Variants in COL14A1 observed in about 807,000 individuals in gnomAD.
The protein encoded by COL14A1 is collagen type XIV alpha 1 chain.
Under a neutral mutation model 230.3 loss-of-function variants are expected in COL14A1, and 136 were observed. The ratio of observed to expected loss-of-function variants is 0.59; its 90% CI spans 0.51 to 0.68. COL14A1 has a LOEUF of 0.68. Among genes scored for constraint, COL14A1 ranks in the 30% least tolerant of loss-of-function variants. The probability of loss-of-function intolerance (pLI) is 0.00; values close to 1 mark genes in which losing one functional copy is unlikely to be tolerated. For synonymous variants in COL14A1, 792 were observed against 784.1 expected, an observed-to-expected ratio of 1.01 and a Z score of -0.17; for missense variants, 1,976 against 2,215.8, an observed-to-expected ratio of 0.89 and a Z score of 2.17.
chr8:120,324,258 T>A (rs1821574151), intron 40 of COL14A1, among the ~76,000 whole-genome samples: 1 of 151,888 alleles, frequency 6.6e-6, no homozygotes, highest in Non-Finnish European at 1.5e-5. Context: ...GTAAATGAAA[T>A]GAAAATAGTA....
intron 12 of COL14A1, among the ~76,000 whole-genome samples, chr8:120,210,248 A>G (rs941268465): frequency 3.3e-5 from 5 of 151,772 alleles, no homozygotes; most frequent in African/African-American, 7.3e-5. Context: ...TAATCAATCT[A>G]TGTTATTGGA....
intron 1 of COL14A1, among the ~76,000 whole-genome samples, chr8:120,141,062 A>G (rs1419218776): frequency 6.6e-6 from 1 of 152,218 alleles, no homozygotes; most frequent in East Asian, 1.9e-4. Context: ...CAAAGTTTTA[A>G]CAAATTAGGT....
Position 120,270,129 on chromosome 8 carries a change from C to G in COL14A1, c.3168C>G (p.Tyr1056Ter), listed in dbSNP as rs763412897. 1 of 1,611,420 alleles carries G rather than the reference C, an allele frequency of 6.2e-7. No homozygotes were observed. The highest frequency in any genetic ancestry group is 8.5e-7 in the Non-Finnish European group (1 of 1,178,276). Residue 1056 changes from tyrosine to a stop codon, truncating the protein, a stop_gained, in exon 26 of 48, where the codon TAC (tyrosine) becomes TAG (stop). Transcript: ENST00000297848. LOFTEE classifies it high-confidence loss of function. ...ENFNKIISFL[Y>*]STVGALNKIG... ...TCAATAAGATCATCAGCTTTCTATA[C>G]AGCACTGTTGGAGCCCTGAACAAGA... is the stretch of plus-strand genomic sequence containing the variant.
intron 35 of COL14A1, among the ~76,000 whole-genome samples, chr8:120,299,561 C>T (rs868460669): frequency 5.9e-5 from 9 of 152,056 alleles, no homozygotes; most frequent in Middle Eastern, 6.8e-3. Flanking sequence ...AAAAAGACAC[C>T]GTGCAGTAAC....
chr8:120,166,719 A>G (rs1397884702), intron 4 of COL14A1, among the ~76,000 whole-genome samples: 1 of 152,188 alleles, frequency 6.6e-6, no homozygotes, highest in Non-Finnish European at 1.5e-5. Flanking sequence ...GTAAAATTAC[A>G]GGAGGGTGTA....
At chr8:120,131,003 G>A (rs1324561802) in intron 1 of COL14A1, among the ~76,000 whole-genome samples, 1 of 152,076 alleles carries the variant, frequency 6.6e-6, no homozygotes, top group Non-Finnish European at 1.5e-5. Context: ...ATTCACTTAG[G>A]ATAATGGCCT....
intron 4 of COL14A1, among the ~76,000 whole-genome samples, chr8:120,167,014 T>C (rs1815921836): frequency 6.6e-6 from 1 of 151,156 alleles, no homozygotes; most frequent in Admixed American, 6.6e-5. Context: ...TTATAAAAAT[T>C]TATACATATC....
chr8:120,253,200 G>A (rs1006881803), intron 22 of COL14A1, among the ~76,000 whole-genome samples: 1 of 152,034 alleles, frequency 6.6e-6, no homozygotes, highest in Non-Finnish European at 1.5e-5. Context: ...GTAAAGACAG[G>A]GTTTCACCAT....
At chr8:120,336,024 C>G (rs758148443) in intron 42 of COL14A1, among the ~76,000 whole-genome samples, 1 of 152,202 alleles carries the variant, frequency 6.6e-6, no homozygotes, top group Non-Finnish European at 1.5e-5. Context: ...TTTGGAATGT[C>G]AGTTTCCTAA....
intron 14 of COL14A1, among the ~76,000 whole-genome samples, chr8:120,219,984 ATGTGTGTG>A (rs142020105): frequency 1.3e-5 from 2 of 150,480 alleles, no homozygotes; most frequent in Non-Finnish European, 3.0e-5. Context: ...TAGGGTGTGT[ATGTGTGTG>A]TGTGTGTGTG....
intron 40 of COL14A1, among the ~76,000 whole-genome samples, chr8:120,324,474 T>A (rs1586864670): frequency 1.3e-5 from 2 of 152,072 alleles, no homozygotes; most frequent in Non-Finnish European, 2.9e-5. Flanking sequence ...TGGTGGTTGG[T>A]CTTAATCTTT....
In COL14A1 at chr8:120,263,130, G is replaced by A. The variant is rs530661758; in HGVS notation, c.3016+116G>A. 84 of 1,124,824 alleles carry A rather than the reference G, an allele frequency of 7.5e-5. 1 individual carries two copies. Among genetic ancestry groups the A allele is most frequent in the South Asian group, 3.1e-4 (14 of 45,362 alleles). 69.7% of individuals were successfully genotyped at this position (1,124,824 alleles called of 1,614,324 possible). ...TAGCTATTGCTGTTCAGGAATATAC[G>A]TAATACAAGTTTTGTTCCTCTTACT... On this transcript the variant is annotated intron_variant, in intron 24 of 47. Coordinates refer to ENST00000297848, the MANE Select transcript of COL14A1 (RefSeq NM_021110.4).
At chr8:120,230,841 G>C (rs765482723) in intron 18 of COL14A1, among the ~76,000 whole-genome samples, 3 of 152,068 alleles carry the variant, frequency 2.0e-5, no homozygotes, top group Admixed American at 1.3e-4. Context: ...GAAGAGAAAA[G>C]AAAAAAATGC....
intron 8 of COL14A1, among the ~76,000 whole-genome samples, chr8:120,203,235 A>G (rs1377783303): frequency 1.3e-5 from 2 of 151,984 alleles, no homozygotes; most frequent in Non-Finnish European, 2.9e-5. Context: ...TGATTTCTGT[A>G]AAAAGCAATC....
rs1429778771 is a variant in COL14A1, at chr8:120,226,552, C to A, written c.1865-75C>A. On this transcript the variant is annotated intron_variant, in intron 15 of 47. Coordinates refer to ENST00000297848, the MANE Select transcript of COL14A1 (RefSeq NM_021110.4). ...AAGATTCCTCAAAGAGTCTTCTACA[C>A]CCCTGGGAGATACTTGGGTTTTGGC... 2.6e-6 allele frequency: 4 copies of A among 1,519,958 alleles called. No homozygotes were observed. The South Asian group carries it at 3.6e-5, about 14-fold the overall frequency. 94.2% of individuals were successfully genotyped at this position (1,519,958 alleles called of 1,614,324 possible).
At chr8:120,232,395 T>C (rs1296763736) in intron 19 of COL14A1, among the ~76,000 whole-genome samples, 2 of 152,180 alleles carry the variant, frequency 1.3e-5, no homozygotes, top group Non-Finnish European at 2.9e-5. Context: ...ATTAAGTATT[T>C]CTCCTAATGC....
intron 1 of COL14A1, among the ~76,000 whole-genome samples, chr8:120,130,759 A>G (rs1814500858): frequency 6.6e-6 from 1 of 152,206 alleles, no homozygotes; most frequent in Non-Finnish European, 1.5e-5. Context: ...ATACAAGAAC[A>G]GGTTTATGAC....
In COL14A1 at chr8:120,197,856, A is replaced by G; in HGVS notation, c.638A>G (p.Asn213Ser). The G allele has an allele frequency of 1.2e-6, 2 of 1,613,718 alleles. No individual in the cohort carries two copies. Among genetic ancestry groups the G allele is most frequent in the Non-Finnish European group, 1.7e-6 (2 of 1,179,710 alleles). ...SGDPRIEWHL[N>S]AFSTKDEVIE... is the part of the protein sequence containing the mutation. ...GACCCCAGAATAGAATGGCACTTGAATGCATTTAGCACAAAAGATGAAGTG... is the reference window on the plus strand; with the variant it reads ...GACCCCAGAATAGAATGGCACTTGAGTGCATTTAGCACAAAAGATGAAGTG... Residue 213 changes from asparagine to serine, a missense_variant, in exon 7 of 48, where the codon AAT (asparagine) becomes AGT (serine). Transcript: ENST00000297848.
At chr8:120,195,511 C>T (rs1312405643) in intron 5 of COL14A1, among the ~76,000 whole-genome samples, 1 of 152,108 alleles carries the variant, frequency 6.6e-6, no homozygotes, top group East Asian at 1.9e-4. Flanking sequence ...AAGTATTGGT[C>T]TGTTCTCACG....
Sources: allele counts gnomAD v4.1 joint callset (sites outside exome capture counted in the v4.1 genomes callset), GRCh38; gene constraint gnomAD v4.1.1; transcripts MANE v1.5; gene names NCBI Gene and HGNC (gene_info 2026-07-23, HGNC 2026-07-21).